The following AP1G1 variants were observed in gnomAD, a reference collection of about 807,000 sequenced individuals.
AP1G1 encodes the protein adaptor related protein complex 1 subunit gamma 1.
In AP1G1, 7 loss-of-function variants were observed where a neutral mutation model predicts 108.3. That is an observed-to-expected ratio of 0.06 (90% CI 0.04 to 0.12). AP1G1 has a LOEUF of 0.12. AP1G1 is among the 10% of genes least tolerant of loss of function. AP1G1 has a pLI of 1.00. For missense variants in AP1G1, 756 were observed against 1,010.7 expected (o/e 0.75, Z 3.42); for synonymous variants, 379 against 353.5 (o/e 1.07, Z -0.81).
chr16:71,796,944 C>T (rs1380152868), intron 1 of AP1G1, among the ~76,000 whole-genome samples: 1 of 151,372 alleles, frequency 6.6e-6, no homozygotes, highest in East Asian at 1.9e-4. Context: ...CCGAGGAGGG[C>T]AGAATGCTTG....
rs1434795118 is a variant in AP1G1 at position 71,769,643 on chromosome 16, T to A, written c.622A>T (p.Met208Leu). 1.2e-6 allele frequency: 2 copies of A among 1,613,656 alleles called. No homozygotes were observed. Among genetic ancestry groups the A allele is most frequent in the African/African-American group, 1.3e-5 (1 of 75,060 alleles). Residue 208 changes from methionine to leucine, a missense_variant, in exon 6 of 23, where the codon ATG becomes TTG. By Grantham distance (15) the Met-to-Leu change is conservative (BLOSUM62 2). Coordinates refer to ENST00000299980, the MANE Select transcript of AP1G1 (RefSeq NM_001128.6). ...LTEMCERSPD[M>L]LAHFRKLVPQ... ...CCTACCTTTCTGAAATGCGCAAGCATGTCTGGGCTTCGCTCACACATTTCT... is the reference window on the plus strand; with the variant it reads ...CCTACCTTTCTGAAATGCGCAAGCAAGTCTGGGCTTCGCTCACACATTTCT...
intron 9 of AP1G1, among the ~76,000 whole-genome samples, chr16:71,762,555 A>C (rs1298579254): frequency 6.6e-6 from 1 of 152,152 alleles, no homozygotes; most frequent in Non-Finnish European, 1.5e-5. Context: ...CCGATGATTT[A>C]ATCAATCATG....
rs1265371064 is a variant in AP1G1, at chr16:71,752,774, CTCTATTT to C, written c.1284+1052_1284+1058del. The stretch of plus-strand genomic sequence containing the variant: ...ATAAAGTGAAGAGTACTGCCTGTTT[CTCTATTT>C]TCTAACACTGGGAATTAGATTAAAA... On this transcript the variant is annotated intron_variant, in intron 13 of 22. Transcript: ENST00000299980. Among the ~76,000 whole-genome samples the C allele has an allele frequency of 5.3e-5, 8 of 152,220 alleles. No homozygotes were observed. In the East Asian group the frequency reaches 1.4e-3, roughly 26 times the overall value.
intron 13 of AP1G1, among the ~76,000 whole-genome samples, chr16:71,751,672 A>C (rs1051667915): frequency 6.6e-5 from 10 of 152,208 alleles, no homozygotes; most frequent in Non-Finnish European, 1.5e-4. Flanking sequence ...AGGGTGATCT[A>C]ATGGGTTTGT....
At chr16:71,801,067 G>A (rs2032779297) in intron 1 of AP1G1, among the ~76,000 whole-genome samples, 2 of 152,188 alleles carry the variant, frequency 1.3e-5, no homozygotes, top group African/African-American at 4.8e-5. Context: ...AGCACTTTGG[G>A]AGGCCAAGGC....
chr16:71,790,470 T>G (rs968775235), intron 1 of AP1G1, among the ~76,000 whole-genome samples: 1 of 147,786 alleles, frequency 6.8e-6, no homozygotes, highest in Non-Finnish European at 1.5e-5. Context: ...GAGGTTTCAG[T>G]GAGCCAAGAT....
intron 9 of AP1G1, among the ~76,000 whole-genome samples, chr16:71,763,439 C>T (rs1398508892): frequency 6.6e-6 from 1 of 152,054 alleles, no homozygotes; most frequent in Admixed American, 6.6e-5. Flanking sequence ...AACTATAGTA[C>T]TGGTTACACA....
chr16:71,736,117 A>AAAAAAAAAAAAAAAAAATATAT (rs1555550846), intron 21 of AP1G1, among the ~76,000 whole-genome samples: 1 of 71,636 alleles, frequency 1.4e-5, no homozygotes, highest in East Asian at 4.8e-4. Flanking sequence ...AAAAAAAAAA[A>AAAAAAAAAAAAAAAAAATATAT]ATATATATAT....
chr16:71,781,709 T>TTTC (rs1227280367), intron 2 of AP1G1, among the ~76,000 whole-genome samples: 1 of 152,208 alleles, frequency 6.6e-6, no homozygotes, highest in Non-Finnish European at 1.5e-5. Context: ...GTATCCCACT[T>TTTC]TTGAATATAA....
At chr16:71,758,468 C>T in intron 11 of AP1G1, 1 of 533,320 alleles carries the variant, frequency 1.9e-6, no homozygotes, top group South Asian at 1.4e-5. Flanking sequence ...TCACTCCGTA[C>T]TTTCATCCTC....
At chr16:71,739,666 C>T (rs569300254) in intron 19 of AP1G1, among the ~76,000 whole-genome samples, 1 of 150,536 alleles carries the variant, frequency 6.6e-6, no homozygotes, top group South Asian at 2.1e-4. Flanking sequence ...GTGGGAGGAT[C>T]ACTGGAGCCT....
At chr16:71,740,730 C>T (rs2045609024) in intron 19 of AP1G1, among the ~76,000 whole-genome samples, 1 of 152,128 alleles carries the variant, frequency 6.6e-6, no homozygotes, top group African/African-American at 2.4e-5. Context: ...CATACTATAT[C>T]AAGAAATGCA....
At position 71,796,231 on chromosome 16, in the gene AP1G1, C is replaced by T. The variant is rs545393706; in HGVS notation, c.-3-6749G>A. 3.3e-5 allele frequency among the ~76,000 whole-genome samples: 5 copies of T among 152,016 alleles called. No individual in the cohort carries two copies. In the East Asian group the frequency reaches 5.8e-4, roughly 18 times the overall value. ...TCCAGCCTGGGTTGTGAAGTAAGACCGTCTCAAAAATAATAATAATACAAT... is the reference window on the plus strand; with the variant it reads ...TCCAGCCTGGGTTGTGAAGTAAGACTGTCTCAAAAATAATAATAATACAAT... On this transcript the variant is annotated intron_variant, in intron 1 of 22. Coordinates refer to ENST00000299980, the MANE Select transcript of AP1G1 (RefSeq NM_001128.6).
intron 1 of AP1G1, among the ~76,000 whole-genome samples, chr16:71,804,873 C>A (rs550444440): frequency 2.0e-4 from 31 of 152,058 alleles, no homozygotes; most frequent in Admixed American, 1.6e-3. Context: ...ATAAATCAGG[C>A]GGCACATGCC....
Position 71,745,457 on chromosome 16 carries a change from G to A in AP1G1, c.1872+16C>T. On this transcript the variant is annotated intron_variant, in intron 18 of 22. Coordinates refer to ENST00000299980, the MANE Select transcript of AP1G1 (RefSeq NM_001128.6). ...ATCGTAAGAAGCCCCAGATGAGCAA[G>A]TGAAAGGCTGGCTACCTGGCTGGTG... 1.2e-6 allele frequency: 2 copies of A among 1,614,128 alleles called. No homozygotes were observed. Among genetic ancestry groups the A allele is most frequent in the Non-Finnish European group, 1.7e-6 (2 of 1,180,042 alleles).
At position 71,745,506 on chromosome 16, in the gene AP1G1, T is replaced by C. The variant is rs757701097; in HGVS notation, c.1839A>G (p.Lys613=). Residue 613 remains lysine, a synonymous_variant, in exon 18 of 23, where the codon AAA becomes AAG. Coordinates refer to ENST00000299980, the MANE Select transcript of AP1G1 (RefSeq NM_001128.6). ...GETEPAPLET[K]PPPSGPQPTS... is the part of the protein sequence containing the mutation. ...TGGGCTGTGGCCCAGAGGGTGGCGG[T>C]TTGGTCTCTAGTGGAGCTGGTTCTG... 3 of 1,613,878 alleles carry C rather than the reference T, an allele frequency of 1.9e-6. No homozygotes were observed. In the African/African-American group the frequency reaches 4.0e-5, roughly 22 times the overall value.
At chr16:71,754,565 G>A (rs990440040) in intron 12 of AP1G1, among the ~76,000 whole-genome samples, 2 of 152,192 alleles carry the variant, frequency 1.3e-5, no homozygotes, top group African/African-American at 4.8e-5. Context: ...GGGACGCCAA[G>A]GAGGAAGGAG....
At position 71,755,119 on chromosome 16, in the gene AP1G1, T is replaced by C. The variant is rs374239745; in HGVS notation, c.1229+900A>G. The stretch of plus-strand genomic sequence containing the variant: ...CAATTCAGGTGCTGTAACTGTTCTA[T>C]TGCCTTTATTAAAACAGCATCACAG... On this transcript the variant is annotated intron_variant, in intron 12 of 22. Coordinates refer to ENST00000299980, the MANE Select transcript of AP1G1 (RefSeq NM_001128.6). Among the ~76,000 whole-genome samples, 10 of 152,294 alleles carry C rather than the reference T, an allele frequency of 6.6e-5. No individual in the cohort carries two copies. The East Asian group carries it at 1.2e-3, about 18-fold the overall frequency.
chr16:71,777,551 C>A (rs1290365926), intron 2 of AP1G1: 1 of 346,202 alleles, frequency 2.9e-6, no homozygotes, highest in East Asian at 9.6e-5. Flanking sequence ...CTGTTCCCAC[C>A]CCAACCTCCA....
Sources: gnomAD v4.1 joint callset for allele counts (sites outside exome capture counted in the v4.1 genomes callset) on GRCh38, gnomAD v4.1.1 for gene constraint, MANE v1.5 for transcripts, NCBI Gene and HGNC (gene_info 2026-07-23, HGNC 2026-07-21) for gene names.